Variants in SULT1C2 observed in about 807,000 individuals in gnomAD.
SULT1C2 encodes the protein sulfotransferase family 1C member 2.
In SULT1C2, 27 loss-of-function variants were observed where a neutral mutation model predicts 36.0. The ratio of observed to expected loss-of-function variants is 0.75; its 90% CI spans 0.55 to 1.03. The LOEUF (loss-of-function observed/expected upper bound fraction) is 1.03. Ranked by LOEUF, SULT1C2 falls within the 50% of genes least tolerant of loss-of-function variation. The pLI is 0.00. For missense variants in SULT1C2, 395 were observed against 359.2 expected (o/e 1.10, Z -0.80); for synonymous variants, 121 against 116.0 (o/e 1.04, Z -0.27).
At chr2:108,300,999 A>G (rs1676856331) in intron 4 of SULT1C2, 64 bp downstream of exon 4, 1 of 1,592,164 alleles carries the variant, frequency 6.3e-7, no homozygotes, top group Non-Finnish European at 8.6e-7. Flanking sequence ...AGTCCTGCAG[A>G]CCCCAACGCA....
At chr2:108,301,791 G>C (rs1399666657) in intron 4 of SULT1C2, 2 of 152,296 alleles carry the variant, frequency 1.3e-5, no homozygotes, top group African/African-American at 4.8e-5. Flanking sequence ...TGGCTGTAGA[G>C]CAGGTGGAGT....
intron 1 of SULT1C2, among the ~76,000 whole-genome samples, chr2:108,289,811 C>A (rs1436689178): frequency 6.6e-6 from 1 of 152,184 alleles, no homozygotes; most frequent in Non-Finnish European, 1.5e-5. Context: ...TCTGCTCCCA[C>A]TGCACTACCC....
chr2:108,294,206 C>T (rs1285277952), intron 2 of SULT1C2, 23 bp from the exon 3 acceptor site: 8 of 1,612,718 alleles, frequency 5.0e-6, no homozygotes, highest in South Asian at 4.4e-5. Context: ...TTCTGCTTCT[C>T]ATCCTTCCTT....
intron 2 of SULT1C2, 116 bp from the exon 3 acceptor site, chr2:108,294,113 C>A: frequency 6.6e-7 from 1 of 1,519,386 alleles, no homozygotes; most frequent in Non-Finnish European, 8.8e-7. Context: ...GGATTCTGAC[C>A]CAAGGGGAGG....
chr2:108,295,348 C>G (rs1236138439), intron 3 of SULT1C2, among the ~76,000 whole-genome samples: 1 of 152,246 alleles, frequency 6.6e-6, no homozygotes, highest in South Asian at 2.1e-4. Flanking sequence ...CCGCCCTGCT[C>G]TGAAATACCT....
At chr2:108,304,465 G>A (rs559009170) in intron 4 of SULT1C2, 109 bp from the exon 5 acceptor site, 1 of 1,330,746 alleles carries the variant, frequency 7.5e-7, no homozygotes. Context: ...CAGCACTGCA[G>A]AACTGAGCCA....
intron 4 of SULT1C2, chr2:108,303,150 T>A (rs1304174845): frequency 6.6e-6 from 1 of 152,102 alleles, no homozygotes; most frequent in Non-Finnish European, 1.5e-5. Context: ...AGTAACAGAG[T>A]CAACGCTTTC....
chr2:108,298,480 C>A, intron 3 of SULT1C2: 1 of 201,774 alleles, frequency 5.0e-6, no homozygotes, highest in Non-Finnish European at 1.0e-5. Flanking sequence ...CTCAAGCGAT[C>A]CTCCCATCTC....
intron 3 of SULT1C2, among the ~76,000 whole-genome samples, chr2:108,294,931 G>T (rs1161596088): frequency 6.6e-6 from 1 of 152,164 alleles, no homozygotes; most frequent in Non-Finnish European, 1.5e-5. Flanking sequence ...TATATTTCAG[G>T]TAACTGGAGC....
intron 1 of SULT1C2, among the ~76,000 whole-genome samples, chr2:108,291,865 C>T (rs193284127): frequency 1.3e-5 from 2 of 152,324 alleles, no homozygotes; most frequent in East Asian, 3.9e-4. Context: ...ATACCATTAT[C>T]TCAGGAGTAC....
At chr2:108,307,593 G>GGAATAA (rs1258463372) in intron 7 of SULT1C2, among the ~76,000 whole-genome samples, 2 of 152,084 alleles carry the variant, frequency 1.3e-5, no homozygotes, top group African/African-American at 4.8e-5. Context: ...TTTTATTTCT[G>GGAATAA]TTGCATAATT....
At chr2:108,300,384 A>G (rs114691612) in intron 3 of SULT1C2, 1,873 of 165,472 alleles carry the variant, frequency 0.011, 35 homozygotes, top group African/African-American at 0.042. Context: ...CTCAAAAAAA[A>G]AATGAGACAG....
chr2:108,304,507 C>T, intron 4 of SULT1C2, 67 bp from the exon 5 acceptor site: 1 of 1,536,714 alleles, frequency 6.5e-7, no homozygotes, highest in Non-Finnish European at 8.8e-7. Flanking sequence ...ATGGCTCTGC[C>T]TAAGGGAACT....
Position 108,289,064 on chromosome 2 carries a change from C to A in SULT1C2, c.-28C>A, listed in dbSNP as rs889364953. On this transcript the variant is annotated 5_prime_UTR_variant, in exon 1 of 8. Coordinates refer to ENST00000251481, the MANE Select transcript of SULT1C2 (RefSeq NM_001056.4). ...TTGAGCTGCTGACTTTCAGCTGGAA[C>A]TTGAAGGTAAGAATATGGCTTAAAA... The A allele has an allele frequency of 6.6e-6, 1 of 152,620 alleles. No individual in the cohort carries two copies. The highest frequency in any genetic ancestry group is 1.5e-5 in the Non-Finnish European group (1 of 68,044). The allele number at this position is 152,620 out of a possible 1,614,324, so 9.5% of individuals were successfully genotyped here.
chr2:108,296,486 C>G (rs1021610691), intron 3 of SULT1C2, among the ~76,000 whole-genome samples: 15 of 151,752 alleles, frequency 9.9e-5, no homozygotes, highest in Non-Finnish European at 1.6e-4. Flanking sequence ...AAGTCTGGCT[C>G]TGTTGCCCAG....
At position 108,304,691 on chromosome 2, in the gene SULT1C2, A is replaced by C. The variant is rs761374320; in HGVS notation, c.493A>C (p.Asn165His). ...GGAAGAGTATTTTGAAACCTTCATCAATGGAAAAGGTACGGGAACATCCTT... is the reference window on the plus strand; with the variant it reads ...GGAAGAGTATTTTGAAACCTTCATCCATGGAAAAGGTACGGGAACATCCTT... ...TWEEYFETFI[N>H]GKVVWGSWFD... is the part of the protein sequence containing the mutation. The change falls in exon 5 of 8, where the codon AAT becomes CAT. Residue 165 changes from asparagine (N) to histidine (H), a missense_variant. Transcript: ENST00000251481. The C allele has an allele frequency of 6.2e-7, 1 of 1,612,576 alleles. No homozygotes were observed. Among genetic ancestry groups the C allele is most frequent in the East Asian group, 2.2e-5 (1 of 44,858 alleles).
At chr2:108,306,995 G>A (rs1392399125) in intron 7 of SULT1C2, among the ~76,000 whole-genome samples, 2 of 152,108 alleles carry the variant, frequency 1.3e-5, no homozygotes, top group South Asian at 2.1e-4. Context: ...ACTACCAACA[G>A]TATGGAAGTC....
chr2:108,291,348 C>T lies in SULT1C2; in HGVS notation c.-22+2278C>T, dbSNP rs542147853. Among the ~76,000 whole-genome samples, 22 of 152,238 alleles carry T rather than the reference C, an allele frequency of 1.4e-4. No homozygotes were observed. In the South Asian group the frequency reaches 2.9e-3, roughly 20 times the overall value. On this transcript the variant is annotated intron_variant, in intron 1 of 7. Coordinates refer to ENST00000251481, the MANE Select transcript of SULT1C2 (RefSeq NM_001056.4). ...GCCCTTGTGGTCACATTAGACCCAC[C>T]GGGATAATACAGGACATGCTCATTG...
intron 4 of SULT1C2, chr2:108,304,343 CAATCCCT>C (rs893314193): frequency 5.4e-5 from 22 of 403,908 alleles, no homozygotes; most frequent in Admixed American, 2.5e-4. Flanking sequence ...TAATCCTCAC[CAATCCCT>C]AATTGATTAG....
Sources: allele counts gnomAD v4.1 joint callset (sites outside exome capture counted in the v4.1 genomes callset), GRCh38; gene constraint gnomAD v4.1.1; transcripts MANE v1.5; gene names NCBI Gene and HGNC (gene_info 2026-07-23, HGNC 2026-07-21).